RBM20: variants seen among roughly 807,000 people sequenced by gnomAD.
The protein encoded by RBM20 is RNA-binding protein 20.
A neutral mutation model predicts 110.1 loss-of-function variants in RBM20; 51 were observed. That is an observed-to-expected ratio of 0.46 (90% CI 0.37 to 0.59). The LOEUF (loss-of-function observed/expected upper bound fraction) is 0.59. Ranked by LOEUF, RBM20 falls within the 20% of genes least tolerant of loss-of-function variation. The pLI is 0.00. For synonymous variants in RBM20, 589 were observed against 618.2 expected, an observed-to-expected ratio of 0.95 and a Z score of 0.70; for missense variants, 1,512 against 1,574.9, an observed-to-expected ratio of 0.96 and a Z score of 0.68.
chr10:110,689,936 C>A (rs183159595), intron 1 of RBM20, among the ~76,000 whole-genome samples: 63 of 152,202 alleles, frequency 4.1e-4, no homozygotes, highest in African/African-American at 1.4e-3. Flanking sequence ...AAAGAGATAT[C>A]TTAATTTTAA....
intron 1 of RBM20, among the ~76,000 whole-genome samples, chr10:110,712,500 C>T (rs1426970569): frequency 6.6e-6 from 1 of 152,158 alleles, no homozygotes; most frequent in Non-Finnish European, 1.5e-5. Context: ...GGTGCGGTGG[C>T]TCACCCCTGT....
chr10:110,658,378 G>T (rs1862055648), intron 1 of RBM20, among the ~76,000 whole-genome samples: 1 of 152,146 alleles, frequency 6.6e-6, no homozygotes, highest in Non-Finnish European at 1.5e-5. Flanking sequence ...AGGGCACTTT[G>T]TTTCCTTCTA....
chr10:110,701,997 T>C (rs1340647408), intron 1 of RBM20, among the ~76,000 whole-genome samples: 1 of 152,192 alleles, frequency 6.6e-6, no homozygotes, highest in African/African-American at 2.4e-5. Flanking sequence ...AAGCAGGACG[T>C]GATTGCGTGG....
In RBM20 at chr10:110,827,106, G is replaced by A. The variant is rs144274187; in HGVS notation, c.3451+3492G>A. Reference sequence around the variant, plus strand: ...TGGTATGAGGTTCTGCATTTGACAGGTGAGGAAACTGAAGTCCAGAGACTT... The same window carrying A: ...TGGTATGAGGTTCTGCATTTGACAGATGAGGAAACTGAAGTCCAGAGACTT... On this transcript the variant is annotated intron_variant, in intron 12 of 13. Transcript: ENST00000369519. Among the ~76,000 whole-genome samples, 27 of 152,274 alleles carry A rather than the reference G, an allele frequency of 1.8e-4. No homozygotes were observed. The East Asian group carries it at 5.2e-3, about 29-fold the overall frequency.
intron 1 of RBM20, among the ~76,000 whole-genome samples, chr10:110,657,719 A>G (rs988071429): frequency 2.0e-5 from 3 of 152,226 alleles, no homozygotes; most frequent in Admixed American, 2.0e-4. Flanking sequence ...CTCTTTATCC[A>G]TCTGTTGATG....
At position 110,735,539 on chromosome 10, in the gene RBM20, G is replaced by A. The variant is rs564727413; in HGVS notation, c.192-45262G>A. The stretch of plus-strand genomic sequence containing the variant: ...GTTTTCCGAGCCTCCTGTTAATCTA[G>A]ATTGTCTCTGATAGGTTACTATTAC... On this transcript the variant is annotated intron_variant, in intron 1 of 13. Transcript: ENST00000369519. 3.3e-5 allele frequency among the ~76,000 whole-genome samples: 5 copies of A among 152,282 alleles called. No homozygotes were observed. In the East Asian group the frequency reaches 9.6e-4, roughly 29 times the overall value.
At chr10:110,767,018 G>A (rs1355331485) in intron 1 of RBM20, among the ~76,000 whole-genome samples, 2 of 142,494 alleles carry the variant, frequency 1.4e-5, no homozygotes, top group African/African-American at 5.2e-5. Flanking sequence ...TCACTTCCCA[G>A]TAGGGGCGGC....
chr10:110,650,606 C>T (rs1861932355), intron 1 of RBM20, among the ~76,000 whole-genome samples: 1 of 149,314 alleles, frequency 6.7e-6, no homozygotes, highest in African/African-American at 2.4e-5. Context: ...TGTACCAGGG[C>T]CACTTGCTTC....
intron 1 of RBM20, among the ~76,000 whole-genome samples, chr10:110,684,867 G>A (rs1175537243): frequency 6.6e-6 from 1 of 152,116 alleles, no homozygotes; most frequent in African/African-American, 2.4e-5. Flanking sequence ...TTGAAGCTTG[G>A]GAGCACTCCG....
chr10:110,831,676 A>AC lies in RBM20; in HGVS notation c.3573+494_3573+495insC, dbSNP rs1554844390. 1.3e-3 allele frequency among the ~76,000 whole-genome samples: 179 copies of AC among 139,326 alleles called. 3 individuals carry two copies. In the South Asian group the frequency reaches 0.02, roughly 15 times the overall value. The allele number at this position is 139,326 out of a possible 152,430, so 91.4% of individuals were successfully genotyped here. A position where few individuals can be genotyped will look rare whatever the true frequency, so the allele number is the denominator to read the frequency against. Reference sequence around the variant, plus strand: ...CCCTGCTTGCTAGAATAAAAAAAAAAAAAAAAAAAAAAAAACACTGCTTTG... The same window carrying AC: ...CCCTGCTTGCTAGAATAAAAAAAAAACAAAAAAAAAAAAAAACACTGCTTTG... On this transcript the variant is annotated intron_variant, in intron 13 of 13. Transcript: ENST00000369519.
At chr10:110,793,564 G>A (rs767097076) in intron 5 of RBM20, among the ~76,000 whole-genome samples, 29 of 152,228 alleles carry the variant, frequency 1.9e-4, no homozygotes, top group Non-Finnish European at 3.5e-4. Context: ...TGGGCAGGCA[G>A]CATTTATGGG....
chr10:110,710,581 G>A (rs924153787), intron 1 of RBM20, among the ~76,000 whole-genome samples: 13 of 152,246 alleles, frequency 8.5e-5, no homozygotes, highest in African/African-American at 2.7e-4. Context: ...GGACTGAGGC[G>A]GGAGAAGGAG....
intron 1 of RBM20, among the ~76,000 whole-genome samples, chr10:110,710,123 A>G (rs77476139): frequency 6.6e-6 from 1 of 152,122 alleles, no homozygotes; most frequent in Non-Finnish European, 1.5e-5. Flanking sequence ...ACTTTTTTTT[A>G]TCATGCTATT....
intron 1 of RBM20, among the ~76,000 whole-genome samples, chr10:110,760,867 G>A (rs1485983592): frequency 1.3e-5 from 2 of 150,990 alleles, no homozygotes; most frequent in East Asian, 1.9e-4. Flanking sequence ...GCCAAGGCAG[G>A]CAGATCATGA....
chr10:110,823,587 G>A lies in RBM20; in HGVS notation c.3424G>A (p.Val1142Met), dbSNP rs1057519239. 6.4e-7 allele frequency: 1 copy of A among 1,551,622 alleles called. No individual in the cohort carries two copies. Among genetic ancestry groups the A allele is most frequent in the Non-Finnish European group, 8.7e-7 (1 of 1,146,966 alleles). Residue 1142 changes from valine to methionine, a missense_variant, in exon 12 of 14, where the codon GTG becomes ATG. Coordinates refer to ENST00000369519, the MANE Select transcript of RBM20 (RefSeq NM_001134363.3). Reference sequence around the variant, plus strand: ...TTTGCCCTCTTGGGAACCAGAGGATGTGTTCAGTGAACTTAGCATTCCTCT... The same window carrying A: ...TTTGCCCTCTTGGGAACCAGAGGATATGTTCAGTGAACTTAGCATTCCTCT... ...LSLPSWEPED[V>M]FSELSIPLGV...
intron 1 of RBM20, among the ~76,000 whole-genome samples, chr10:110,770,453 A>G (rs761893944): frequency 6.6e-5 from 10 of 152,190 alleles, no homozygotes; most frequent in Non-Finnish European, 1.3e-4. Flanking sequence ...TGAGAAAACT[A>G]AGGTCGATAG....
In RBM20 at chr10:110,656,905, T is replaced by C. The variant is rs183579783; in HGVS notation, c.191+12260T>C. Reference sequence around the variant, plus strand: ...AGACATTTGGGTTTTTCCACCTTTTTACTATTGTGAATAGTGCTACTGTGA... The same window carrying C: ...AGACATTTGGGTTTTTCCACCTTTTCACTATTGTGAATAGTGCTACTGTGA... On this transcript the variant is annotated intron_variant, in intron 1 of 13. Transcript: ENST00000369519. 1.3e-3 allele frequency among the ~76,000 whole-genome samples: 200 copies of C among 152,366 alleles called. 1 individual carries two copies. The highest frequency in any genetic ancestry group is 4.6e-3 in the African/African-American group (193 of 41,600).
rs1844400398 is a variant in RBM20, at chr10:110,784,834, C to T, written c.1472C>T (p.Ala491Val). Residue 491 changes from alanine (A) to valine (V), a missense_variant, in exon 5 of 14, where the codon GCA (alanine) becomes GTA (valine). Around this residue, in one of 3 missense-constraint regions of RBM20, gnomAD observed 1,149 missense variants for 1,169.4 expected, o/e 0.98. Transcript: ENST00000369519. ...GGAACATCATACGTGCCCATTCCAG[C>T]AAGGTCATTCACTCAGTCAAGCCCC... ...NLGTSYVPIP[A>V]RSFTQSSPTF... 2.6e-6 allele frequency: 4 copies of T among 1,551,264 alleles called. No homozygotes were observed. The highest frequency in any genetic ancestry group is 3.5e-6 in the Non-Finnish European group (4 of 1,146,588).
chr10:110,736,938 G>C (rs1843676757), intron 1 of RBM20, among the ~76,000 whole-genome samples: 1 of 151,858 alleles, frequency 6.6e-6, no homozygotes, highest in South Asian at 2.1e-4. Flanking sequence ...ACTTTGGAAG[G>C]CCGAGGTGAG....
Sources: gnomAD v4.1 joint callset for allele counts (sites outside exome capture counted in the v4.1 genomes callset) on GRCh38, gnomAD v4.1.1 for gene constraint, gnomAD v4.1.1 regional missense constraint, MANE v1.5 for transcripts, NCBI Gene and HGNC (gene_info 2026-07-23, HGNC 2026-07-21) for gene names.